The following OIT3 variants were observed in gnomAD, a reference collection of about 807,000 sequenced individuals.
OIT3 encodes oncoprotein induced transcript 3, also known as oncoprotein-induced transcript 3 protein.
A neutral mutation model predicts 52.2 loss-of-function variants in OIT3; 41 were observed. That is an observed-to-expected ratio of 0.79 (90% CI 0.61 to 1.02). The LOEUF (loss-of-function observed/expected upper bound fraction) is 1.02, where lower values mean the gene tolerates loss of function less well. OIT3 is among the 50% of genes least tolerant of loss of function. OIT3 has a pLI of 0.00. For missense variants in OIT3, 634 were observed against 715.5 expected (o/e 0.89, Z 1.30); for synonymous variants, 244 against 276.9 (o/e 0.88, Z 1.18).
intron 6 of OIT3, among the ~76,000 whole-genome samples, chr10:72,922,629 C>G (rs1181923708): frequency 6.6e-6 from 1 of 152,056 alleles, no homozygotes; most frequent in Non-Finnish European, 1.5e-5. Context: ...TTAGAACATG[C>G]TCCTTTAGCT....
In OIT3 at chr10:72,899,003, C is replaced by G. The variant is rs1845902721; in HGVS notation, c.401C>G (p.Thr134Ser). Residue 134 changes from threonine to serine, a missense_variant, in exon 2 of 9, where the codon ACC becomes AGC. Thr to Ser is a moderately conservative substitution (Grantham distance 58). Transcript: ENST00000334011. The stretch of plus-strand genomic sequence containing the variant: ...GGAGGCTACTATGTGTATCGTCTGA[C>G]CAAGCCCAGCGTCTGCTTCCACGTC... Reference protein sequence around the residue: ...CPGGYYVYRLTKPSVCFHVYC... With the variant: ...CPGGYYVYRLSKPSVCFHVYC... The G allele has an allele frequency of 6.2e-7, 1 of 1,612,494 alleles. No individual in the cohort carries two copies. Among genetic ancestry groups the G allele is most frequent in the Non-Finnish European group, 8.5e-7 (1 of 1,178,868 alleles).
intron 3 of OIT3, among the ~76,000 whole-genome samples, chr10:72,901,596 G>A (rs553730323): frequency 5.7e-4 from 86 of 152,178 alleles, no homozygotes; most frequent in African/African-American, 2.0e-3. Context: ...AGCATAAAAG[G>A]CTTATTGGTT....
At chr10:72,921,305 A>G (rs908669937) in intron 6 of OIT3, among the ~76,000 whole-genome samples, 3 of 152,150 alleles carry the variant, frequency 2.0e-5, no homozygotes, top group Admixed American at 1.3e-4. Flanking sequence ...CTTTGAGCCT[A>G]TGTGTATTTT....
intron 3 of OIT3, among the ~76,000 whole-genome samples, chr10:72,904,522 A>G (rs572438256): frequency 6.6e-6 from 1 of 152,260 alleles, no homozygotes; most frequent in Admixed American, 6.5e-5. Context: ...CCTGATAAAG[A>G]TTCTTAATAT....
At chr10:72,900,023 A>G (rs2132925162) in intron 2 of OIT3, among the ~76,000 whole-genome samples, 1 of 152,316 alleles carries the variant, frequency 6.6e-6, no homozygotes, top group African/African-American at 2.4e-5. Flanking sequence ...GTGGATCTGA[A>G]GTTGGGAATC....
intron 7 of OIT3, 68 bp downstream of exon 7, chr10:72,924,712 C>G (rs961148344): frequency 1.4e-5 from 18 of 1,264,422 alleles, no homozygotes; most frequent in Middle Eastern, 4.5e-4. Flanking sequence ...CACAGCACAC[C>G]CAGTCATTTA....
At chr10:72,899,256 A>C (rs2132923736) in intron 2 of OIT3, among the ~76,000 whole-genome samples, 1 of 152,348 alleles carries the variant, frequency 6.6e-6, no homozygotes, top group South Asian at 2.1e-4. Context: ...GACTTTGATC[A>C]GTTCTTTTTA....
In OIT3 at chr10:72,924,211, C is replaced by A; in HGVS notation, c.952-18C>A. 1 of 1,565,662 alleles carries A rather than the reference C, an allele frequency of 6.4e-7. No individual in the cohort carries two copies. Among genetic ancestry groups the A allele is most frequent in the Non-Finnish European group, 8.7e-7 (1 of 1,153,542 alleles). Reference sequence around the variant, plus strand: ...AAACAGACAATCTCTTTCCTCTCCTCACCCTGGCCTGGCTCAGGTGGTGAA... The same window carrying A: ...AAACAGACAATCTCTTTCCTCTCCTAACCCTGGCCTGGCTCAGGTGGTGAA... On this transcript the variant is annotated intron_variant, in intron 6 of 8. Coordinates refer to ENST00000334011, the MANE Select transcript of OIT3 (RefSeq NM_152635.3).
chr10:72,898,208 G>A (rs988669458), intron 1 of OIT3, among the ~76,000 whole-genome samples: 1 of 152,004 alleles, frequency 6.6e-6, no homozygotes, highest in Admixed American at 6.6e-5. Flanking sequence ...GATCACTTGA[G>A]CCCAGGAGGC....
At chr10:72,907,229 C>T (rs184624446) in intron 4 of OIT3, among the ~76,000 whole-genome samples, 7 of 151,740 alleles carry the variant, frequency 4.6e-5, no homozygotes, top group African/African-American at 7.3e-5. Context: ...GCTATGATTG[C>T]GCCACTGCAC....
chr10:72,923,213 T>C (rs2132946051), intron 6 of OIT3, among the ~76,000 whole-genome samples: 1 of 152,338 alleles, frequency 6.6e-6, no homozygotes, highest in East Asian at 1.9e-4. Flanking sequence ...GCCACTTTTC[T>C]GTAGGGCTGC....
intron 3 of OIT3, among the ~76,000 whole-genome samples, chr10:72,902,397 C>G (rs1173710862): frequency 6.6e-6 from 1 of 152,158 alleles, no homozygotes; most frequent in Non-Finnish European, 1.5e-5. Flanking sequence ...AGCAAACTGT[C>G]CAGCTCTCAG....
intron 6 of OIT3, among the ~76,000 whole-genome samples, chr10:72,919,474 C>T (rs1056354475): frequency 6.6e-6 from 1 of 152,140 alleles, no homozygotes; most frequent in African/African-American, 2.4e-5. Context: ...GCCAGAACTT[C>T]CAACACTATA....
intron 7 of OIT3, among the ~76,000 whole-genome samples, 173 bp downstream of exon 7, chr10:72,924,817 A>G (rs969742849): frequency 2.0e-5 from 3 of 152,132 alleles, no homozygotes; most frequent in Non-Finnish European, 4.4e-5. Context: ...AGGAGAGTCA[A>G]AAGTGGCTCC....
chr10:72,896,085 TC>T (rs1187974944), intron 1 of OIT3, among the ~76,000 whole-genome samples: 2 of 152,146 alleles, frequency 1.3e-5, no homozygotes, highest in African/African-American at 2.4e-5. Flanking sequence ...AAACTTTTCC[TC>T]CTCATACCCT....
At chr10:72,920,161 G>C (rs976740081) in intron 6 of OIT3, among the ~76,000 whole-genome samples, 3 of 152,084 alleles carry the variant, frequency 2.0e-5, no homozygotes, top group Admixed American at 6.6e-5. Context: ...AGTCTTGGGA[G>C]GGTGTATGTG....
chr10:72,901,284 C>A (rs1359600243), intron 3 of OIT3, among the ~76,000 whole-genome samples: 1 of 152,068 alleles, frequency 6.6e-6, no homozygotes, highest in East Asian at 1.9e-4. Context: ...GGACTTACTC[C>A]TCTAGCTTCA....
chr10:72,898,745 C>T lies in OIT3; in HGVS notation c.143C>T (p.Pro48Leu), dbSNP rs1021532447. The T allele has an allele frequency of 4.3e-6, 7 of 1,614,042 alleles. No homozygotes were observed. Among genetic ancestry groups the T allele is most frequent in the Non-Finnish European group, 5.9e-6 (7 of 1,179,938 alleles). ...CACCAGTTGGATGAGTCTCAAGGTCCTCCTCTATGTGACAACCATGTGAAT... is the reference window on the plus strand; with the variant it reads ...CACCAGTTGGATGAGTCTCAAGGTCTTCCTCTATGTGACAACCATGTGAAT... ...TDHQLDESQG[P>L]PLCDNHVNGE... The change falls in exon 2 of 9, where the codon CCT becomes CTT. Residue 48 changes from proline (P) to leucine (L), a missense_variant. Transcript: ENST00000334011.
intron 8 of OIT3, among the ~76,000 whole-genome samples, chr10:72,931,988 T>C (rs922421677): frequency 9.9e-5 from 15 of 152,212 alleles, no homozygotes; most frequent in African/African-American, 3.6e-4. Context: ...CACAAGTGCA[T>C]GGGAGCCAAT....
Sources: allele counts gnomAD v4.1 joint callset (sites outside exome capture counted in the v4.1 genomes callset), GRCh38; gene constraint gnomAD v4.1.1; transcripts MANE v1.5; gene names NCBI Gene and HGNC (gene_info 2026-07-23, HGNC 2026-07-21).